Variants in MEST observed in about 807,000 individuals in gnomAD.
The protein encoded by MEST is mesoderm-specific transcript homolog protein.
MEST carries 18 observed loss-of-function variants against 50.9 expected under a neutral mutation model. That is an observed-to-expected ratio of 0.35 (90% CI 0.24 to 0.52). The LOEUF is 0.52. Ranked by LOEUF, MEST falls within the 20% of genes least tolerant of loss-of-function variation. The pLI is 0.94. For missense variants in MEST, 282 were observed against 425.3 expected, an observed-to-expected ratio of 0.66 and a Z score of 2.96; for synonymous variants, 130 against 154.1, an observed-to-expected ratio of 0.84 and a Z score of 1.16.
rs782711643 is a variant in MEST at position 130,497,144 on chromosome 7, C to A, written c.182-12C>A. 3 of 1,604,800 alleles carry A rather than the reference C, an allele frequency of 1.9e-6. No individual in the cohort carries two copies. In the Admixed American group the frequency reaches 5.1e-5, roughly 27 times the overall value. On this transcript the variant is annotated splice_polypyrimidine_tract_variant and intron_variant, in intron 2 of 11. Coordinates refer to ENST00000223215, the MANE Select transcript of MEST (RefSeq NM_002402.4). This position sits in a 1 kb window ranked among gnomAD's most constrained non-coding sequence, Gnocchi z 4.0. ...GATTTGGCATAATTGATTGTACTTTCCTTCTTCCTAGACTCTGTGGGTGTG... is the reference window on the plus strand; with the variant it reads ...GATTTGGCATAATTGATTGTACTTTACTTCTTCCTAGACTCTGTGGGTGTG...
rs574377294 is a variant in MEST at position 130,505,111 on chromosome 7, A to G, written c.*55A>G. ...TCCCCTACTCCCTTATGTGTTGTGT[A>G]TTCCACTTAGGAAGAAATGCCCAAA... On this transcript the variant is annotated 3_prime_UTR_variant, in exon 12 of 12. Transcript: ENST00000223215. The G allele has an allele frequency of 1.9e-5, 25 of 1,283,764 alleles. No individual in the cohort carries two copies. The African/African-American group carries it at 3.5e-4, about 18-fold the overall frequency. 79.5% of individuals were successfully genotyped at this position (1,283,764 alleles called of 1,614,324 possible).
At position 130,492,492 on chromosome 7, in the gene MEST, A is replaced by C; in HGVS notation, c.26+153A>C. 1.8e-6 allele frequency: 1 copy of C among 544,172 alleles called. No individual in the cohort carries two copies. 33.7% of individuals were successfully genotyped at this position (544,172 alleles called of 1,614,324 possible). On this transcript the variant is annotated intron_variant, in intron 1 of 11. Coordinates refer to ENST00000223215, the MANE Select transcript of MEST (RefSeq NM_002402.4). The surrounding 1 kb of genome is among the most constrained non-coding windows in gnomAD (Gnocchi z 7.6). Reference sequence around the variant, plus strand: ...CACGCATTCCGCGCCCGCTCTGCCTACTTGAGGAGGGGGTGTCACTCCTGC... The same window carrying C: ...CACGCATTCCGCGCCCGCTCTGCCTCCTTGAGGAGGGGGTGTCACTCCTGC...
chr7:130,490,748 G>T (rs1417857031), upstream of MEST: 3 of 152,116 alleles, frequency 2.0e-5, no homozygotes, highest in Non-Finnish European at 2.9e-5. Context: ...CATTTATTTC[G>T]CACCCCCGGT....
At chr7:130,504,804 TAGA>T (rs1264915136) in intron 11 of MEST, 132 bp from the exon 12 acceptor site, 1 of 602,832 alleles carries the variant, frequency 1.7e-6, no homozygotes, top group African/African-American at 1.8e-5. Flanking sequence ...AATTTCAGAG[TAGA>T]AGGTGAATAA....
chr7:130,502,864 A>C, intron 10 of MEST, 144 bp downstream of exon 10: 1 of 632,560 alleles, frequency 1.6e-6, no homozygotes, highest in Non-Finnish European at 2.7e-6. Flanking sequence ...ATAAACAACA[A>C]ATGCTTTTTT....
Position 130,505,273 on chromosome 7 carries a change from G to C in MEST, c.*217G>C. The C allele has an allele frequency of 2.2e-6, 1 of 446,516 alleles. No homozygotes were observed. The highest frequency in any genetic ancestry group is 3.3e-5 in the East Asian group (1 of 30,046). The allele number at this position is 446,516 out of a possible 1,614,324, so 27.7% of individuals were successfully genotyped here. ...TCCACCTCCCATTACTTTGATATCT[G>C]ATCAAATGTATAGACTTGGCTTTGT... On this transcript the variant is annotated 3_prime_UTR_variant, in exon 12 of 12. Coordinates refer to ENST00000223215, the MANE Select transcript of MEST (RefSeq NM_002402.4).
Position 130,492,620 on chromosome 7 carries a change from T to C in MEST, c.26+281T>C. 1 of 348,688 alleles carries C rather than the reference T, an allele frequency of 2.9e-6. No homozygotes were observed. The highest frequency in any genetic ancestry group is 5.1e-6 in the Non-Finnish European group (1 of 194,392). 21.6% of individuals were successfully genotyped at this position (348,688 alleles called of 1,614,324 possible). ...GGATTTCTGGACCCCAGCGTCATCT[T>C]GATATGACTTAGGATCCATAATGAC... On this transcript the variant is annotated intron_variant, in intron 1 of 11. Coordinates refer to ENST00000223215, the MANE Select transcript of MEST (RefSeq NM_002402.4). This position sits in a 1 kb window ranked among gnomAD's most constrained non-coding sequence, Gnocchi z 7.6.
At chr7:130,487,174 T>G (rs1459672785), upstream of MEST, 1 of 151,794 alleles carries the variant, frequency 6.6e-6, no homozygotes, top group Non-Finnish European at 1.5e-5. Context: ...CCCAGGCAGC[T>G]AGAAAATTGC....
At chr7:130,488,540 T>C (rs1357123512), upstream of MEST, 1 of 152,232 alleles carries the variant, frequency 6.6e-6, no homozygotes, top group Admixed American at 6.5e-5. Context: ...CAGGCACATC[T>C]GCGTTCAGTT....
rs782421766 is a variant in MEST at position 130,495,383 on chromosome 7, G to T, written c.42G>T (p.Trp14Cys). 1.9e-6 allele frequency: 3 copies of T among 1,609,932 alleles called. No individual in the cohort carries two copies. Among genetic ancestry groups the T allele is most frequent in the Admixed American group, 3.4e-5 (2 of 59,592 alleles). ...TTTCCTACAGGATGAGGGAGTGGTGGGTCCAGGTGGGGCTGCTGGCCGTGC... is the reference window on the plus strand; with the variant it reads ...TTTCCTACAGGATGAGGGAGTGGTGTGTCCAGGTGGGGCTGCTGGCCGTGC... Reference protein sequence around the residue: ...RDRLRRMREWWVQVGLLAVPL... With the variant: ...RDRLRRMREWCVQVGLLAVPL... Residue 14 changes from tryptophan to cysteine, a missense_variant, in exon 2 of 12, where the codon TGG (tryptophan) becomes TGT (cysteine). Trp to Cys is a radical substitution (Grantham distance 215). Transcript: ENST00000223215.
At chr7:130,498,083 CAG>C in intron 4 of MEST, 54 bp from the exon 5 acceptor site, 3 of 1,613,886 alleles carry the variant, frequency 1.9e-6, no homozygotes, top group South Asian at 1.1e-5. Flanking sequence ...GTCAGGCTGG[CAG>C]AGAGAGCTGT....
Position 130,492,363 on chromosome 7 carries a change from G to C in MEST, c.26+24G>C, listed in dbSNP as rs557352043. 1 of 1,300,770 alleles carries C rather than the reference G, an allele frequency of 7.7e-7. No homozygotes were observed. Among genetic ancestry groups the C allele is most frequent in the Admixed American group, 4.0e-5 (1 of 25,094 alleles). The allele number at this position is 1,300,770 out of a possible 1,614,324, so 80.6% of individuals were successfully genotyped here. A position where few individuals can be genotyped will look rare whatever the true frequency, so the allele number is the denominator to read the frequency against. On this transcript the variant is annotated intron_variant, in intron 1 of 11. Coordinates refer to ENST00000223215, the MANE Select transcript of MEST (RefSeq NM_002402.4). The surrounding 1 kb of genome is among the most constrained non-coding windows in gnomAD (Gnocchi z 7.6). ...AGGTGAGTGTGCGGTGGGAACGAGGGGGTGTGGCTGGCGGCCCTGGGACTA... is the reference window on the plus strand; with the variant it reads ...AGGTGAGTGTGCGGTGGGAACGAGGCGGTGTGGCTGGCGGCCCTGGGACTA...
upstream of MEST, chr7:130,491,070 C>T (rs1304619075): frequency 1.3e-5 from 2 of 152,340 alleles, no homozygotes; most frequent in African/African-American, 4.8e-5. This position sits in a 1 kb window ranked among gnomAD's most constrained non-coding sequence, Gnocchi z 6.8. Flanking sequence ...CACCCGCTCG[C>T]ACCCCACGTT....
intron 2 of MEST, chr7:130,496,354 G>T (rs1799060690): frequency 2.9e-6 from 1 of 346,742 alleles, no homozygotes; most frequent in Non-Finnish European, 5.5e-6. Context: ...TAAATGGAAT[G>T]ATTTTATTTG....
At position 130,500,792 on chromosome 7, in the gene MEST, C is replaced by A; in HGVS notation, c.651C>A (p.Leu217=). ...LMNFFVFSRG[L]TPVFGPYTRP... ...CCTGCGTTTTGGACTCTTTCAGTCT[C>A]ACCCCAGTCTTTGGGCCGTATACTC... Residue 217 remains leucine (L), a synonymous_variant, in exon 9 of 12, where the codon CTC becomes CTA. Coordinates refer to ENST00000223215, the MANE Select transcript of MEST (RefSeq NM_002402.4). This position sits in a 1 kb window ranked among gnomAD's most constrained non-coding sequence, Gnocchi z 5.0. 1 of 1,609,458 alleles carries A rather than the reference C, an allele frequency of 6.2e-7. No individual in the cohort carries two copies. Among genetic ancestry groups the A allele is most frequent in the Admixed American group, 1.7e-5 (1 of 58,916 alleles).
intron 2 of MEST, chr7:130,496,461 T>C (rs1554437016): frequency 3.2e-6 from 1 of 313,938 alleles, no homozygotes; most frequent in African/African-American, 2.3e-5. Flanking sequence ...AATTTTCATG[T>C]CACTGGCAGT....
Position 130,500,976 on chromosome 7 carries a change from TC to T in MEST, c.749+89del. 2 of 1,168,308 alleles carry T rather than the reference TC, an allele frequency of 1.7e-6. No individual in the cohort carries two copies. The allele number at this position is 1,168,308 out of a possible 1,614,324, so 72.4% of individuals were successfully genotyped here. A position where few individuals can be genotyped will look rare whatever the true frequency, so the allele number is the denominator to read the frequency against. ...CTTGTTCTGTTCCTTGCTGGCTTAT[TC>T]CCTATCACAGGAAGGCTGATGATGA... is the stretch of plus-strand genomic sequence containing the variant. On this transcript the variant is annotated intron_variant, in intron 9 of 11. Transcript: ENST00000223215. The surrounding 1 kb of genome is among the most constrained non-coding windows in gnomAD (Gnocchi z 5.0).
rs1300117135 is a variant in MEST at position 130,500,154 on chromosome 7, A to G, written c.576+239A>G. 2.2e-5 allele frequency: 12 copies of G among 546,728 alleles called. No homozygotes were observed. Among genetic ancestry groups the G allele is most frequent in the Non-Finnish European group, 3.8e-5 (12 of 313,640 alleles). The allele number at this position is 546,728 out of a possible 1,614,324, so 33.9% of individuals were successfully genotyped here. A position where few individuals can be genotyped will look rare whatever the true frequency, so the allele number is the denominator to read the frequency against. ...ATCAACAAATATTTGGAGAAATTAC[A>G]GCTATGGAAAGATCTGTGTCACAAG... On this transcript the variant is annotated intron_variant, in intron 7 of 11. Transcript: ENST00000223215. This position sits in a 1 kb window ranked among gnomAD's most constrained non-coding sequence, Gnocchi z 5.0.
At chr7:130,503,218 T>C (rs1193001485) in intron 10 of MEST, among the ~76,000 whole-genome samples, 1 of 152,250 alleles carries the variant, frequency 6.6e-6, no homozygotes. Flanking sequence ...AAAAAAATTA[T>C]GGTGTTTCAC....
Sources: gnomAD v4.1 joint callset for allele counts (sites outside exome capture counted in the v4.1 genomes callset) on GRCh38, gnomAD v4.1.1 for gene constraint, Gnocchi (gnomAD v3.1) non-coding constraint, MANE v1.5 for transcripts, NCBI Gene and HGNC (gene_info 2026-07-23, HGNC 2026-07-21) for gene names.